The following AKAP3 variants were observed in gnomAD, a reference collection of about 807,000 sequenced individuals.
AKAP3 encodes A-kinase anchoring protein 3.
Under a neutral mutation model 57.2 loss-of-function variants are expected in AKAP3, and 27 were observed. The observed-to-expected ratio is 0.47, with a 90% CI of 0.35 to 0.65. AKAP3 has a LOEUF of 0.65. AKAP3 is among the 30% of genes least tolerant of loss of function. AKAP3 has a pLI of 0.01. For missense variants in AKAP3, 959 were observed against 1,040.0 expected, an observed-to-expected ratio of 0.92 and a Z score of 1.07; for synonymous variants, 334 against 392.3, an observed-to-expected ratio of 0.85 and a Z score of 1.76.
Position 4,626,906 on chromosome 12 carries a change from T to C in AKAP3, c.1996A>G (p.Ser666Gly). Reference protein sequence around the residue: ...MAVSQIDGHMSGQMVEHLMNS... With the variant: ...MAVSQIDGHMGGQMVEHLMNS... ...ATCAGATGTTCTACCATCTGCCCAC[T>C]CATGTGGCCATCTATCTGGCTGACA... is the stretch of plus-strand genomic sequence containing the variant. The change falls in exon 5 of 6, where the codon AGT becomes GGT. Residue 666 changes from serine (S) to glycine (G), a missense_variant. Ser to Gly is a moderately conservative substitution (Grantham distance 56, BLOSUM62 0). Transcript: ENST00000228850. 6.2e-7 allele frequency: 1 copy of C among 1,613,958 alleles called. No homozygotes were observed. The highest frequency in any genetic ancestry group is 8.5e-7 in the Non-Finnish European group (1 of 1,180,016).
intron 1 of AKAP3, among the ~76,000 whole-genome samples, chr12:4,647,642 CTGA>C (rs1424362203): frequency 6.6e-6 from 1 of 152,138 alleles, no homozygotes; most frequent in Non-Finnish European, 1.5e-5. Flanking sequence ...AAGCAGGTTG[CTGA>C]TGACAGTCAG....
intron 5 of AKAP3, among the ~76,000 whole-genome samples, chr12:4,619,980 A>G (rs1945326812): frequency 6.6e-6 from 1 of 152,366 alleles, no homozygotes; most frequent in African/African-American, 2.4e-5. Flanking sequence ...AATGATGGAA[A>G]GGTTAATGGT....
At chr12:4,639,245 C>T (rs1945605337) in intron 3 of AKAP3, among the ~76,000 whole-genome samples, 1 of 152,056 alleles carries the variant, frequency 6.6e-6, no homozygotes, top group Admixed American at 6.5e-5. Context: ...AGTATGAGAA[C>T]CTTCTCTTTG....
chr12:4,624,824 G>GTGTGTGTGTGTGTGTGTGTGTGTATATA (rs143324716), intron 5 of AKAP3, among the ~76,000 whole-genome samples: 3 of 140,996 alleles, frequency 2.1e-5, no homozygotes, highest in African/African-American at 7.8e-5. Flanking sequence ...GTGTGTGTGT[G>GTGTGTGTGTGTGTGTGTGTGTGTATATA]TATATAAAAG....
Position 4,625,127 on chromosome 12 carries a change from G to A in AKAP3, c.2406+1369C>T, listed in dbSNP as rs1945396633. 6.6e-6 allele frequency among the ~76,000 whole-genome samples: 1 copy of A among 152,058 alleles called. No homozygotes were observed. The highest frequency in any genetic ancestry group is 6.6e-5 in the Admixed American group (1 of 15,254). On this transcript the variant is annotated intron_variant, in intron 5 of 5. Transcript: ENST00000228850. This position sits in a 1 kb window ranked among gnomAD's most constrained non-coding sequence, Gnocchi z 5.4. The stretch of plus-strand genomic sequence containing the variant: ...CTGTAAAATAGTTGTCTGTTTCACG[G>A]ATTGGAAACCCTGCGTGGAGACAGA...
Position 4,626,816 on chromosome 12 carries a change from C to T in AKAP3, c.2086G>A (p.Gly696Arg), listed in dbSNP as rs756823190. 6.2e-7 allele frequency: 1 copy of T among 1,614,140 alleles called. No individual in the cohort carries two copies. Among genetic ancestry groups the T allele is most frequent in the African/African-American group, 1.3e-5 (1 of 75,044 alleles). ...KSCDASLAEL[G>R]DDKSGDASRL... The stretch of plus-strand genomic sequence containing the variant: ...CTGGCATCTCCAGACTTGTCATCTC[C>T]CAGCTCTGCCAACGAAGCATCACAG... Residue 696 changes from glycine (G) to arginine (R), a missense_variant, in exon 5 of 6, where the codon GGA (glycine) becomes AGA (arginine). Physicochemically the swap from Gly to Arg is moderately radical, Grantham distance 125. Transcript: ENST00000228850.
At chr12:4,638,420 G>A (rs1945592855) in intron 3 of AKAP3, among the ~76,000 whole-genome samples, 2 of 152,128 alleles carry the variant, frequency 1.3e-5, no homozygotes, top group South Asian at 2.1e-4. Flanking sequence ...TAAGGAAGAA[G>A]CTGGTGCCTG....
At chr12:4,620,391 C>T (rs567376857) in intron 5 of AKAP3, among the ~76,000 whole-genome samples, 45 of 145,062 alleles carry the variant, frequency 3.1e-4, no homozygotes, top group Non-Finnish European at 5.4e-4. Context: ...ACAGGAGAAT[C>T]GCTTGAACCT....
chr12:4,623,353 A>G (rs1266282219), intron 5 of AKAP3, among the ~76,000 whole-genome samples: 1 of 152,240 alleles, frequency 6.6e-6, no homozygotes, highest in Admixed American at 6.5e-5. Context: ...ACATGGAGAT[A>G]ACCTAAGTGC....
chr12:4,624,385 G>T (rs546215772), intron 5 of AKAP3, among the ~76,000 whole-genome samples: 1 of 148,092 alleles, frequency 6.8e-6, no homozygotes, highest in South Asian at 2.2e-4. Flanking sequence ...GGATAAATAA[G>T]AAATTGATCC....
At chr12:4,638,227 T>G (rs781367011) in intron 3 of AKAP3, 31 bp from the exon 4 acceptor site, 13 of 1,472,616 alleles carry the variant, frequency 8.8e-6, no homozygotes, top group East Asian at 2.3e-5. Flanking sequence ...TGAGAAAGGG[T>G]CATCACAAGG....
At chr12:4,637,267 G>A (rs1004366198) in intron 4 of AKAP3, among the ~76,000 whole-genome samples, 4 of 152,138 alleles carry the variant, frequency 2.6e-5, no homozygotes, top group Admixed American at 6.5e-5. Context: ...TCTCCTTTGC[G>A]GTTGGCATTG....
At chr12:4,624,406 T>C (rs1157444704) in intron 5 of AKAP3, among the ~76,000 whole-genome samples, 1 of 151,058 alleles carries the variant, frequency 6.6e-6, no homozygotes, top group East Asian at 2.0e-4. Context: ...AAACAATTTT[T>C]TTCTCCAGGG....
rs71579259 is a variant in AKAP3, at chr12:4,628,542, T to G, written c.360A>C (p.Ser120=). Residue 120 remains serine (S), a synonymous_variant, in exon 5 of 6, where the codon TCA becomes TCC. Transcript: ENST00000228850. ...TAGCATAGAAGGAAACTTCATCTAC[T>G]GAACTCCCGTTGCCAAGTTGGGCCC... ...GPRAQLGNGS[S]VDEVSFYANR... 1.8e-3 allele frequency: 2,844 copies of G among 1,614,202 alleles called. 4 individuals are homozygous for G. The highest frequency in any genetic ancestry group is 3.8e-3 in the Middle Eastern group (23 of 6,062).
intron 1 of AKAP3, among the ~76,000 whole-genome samples, chr12:4,647,002 C>T (rs540438231): frequency 3.9e-5 from 6 of 152,082 alleles, no homozygotes; most frequent in African/African-American, 9.6e-5. Flanking sequence ...AAGCTGGTCT[C>T]GAACTCCTGA....
chr12:4,644,182 A>G (rs549987806), intron 2 of AKAP3, among the ~76,000 whole-genome samples: 1 of 152,246 alleles, frequency 6.6e-6, no homozygotes, highest in Admixed American at 6.5e-5. Context: ...CTTTATTTTT[A>G]CCTTCCCTAA....
At chr12:4,624,448 A>G (rs868211119) in intron 5 of AKAP3, among the ~76,000 whole-genome samples, 1 of 151,752 alleles carries the variant, frequency 6.6e-6, no homozygotes, top group African/African-American at 2.4e-5. Flanking sequence ...CAAATGAGAA[A>G]ACAACCCTTA....
rs755426401 is a variant in AKAP3 at position 4,615,847 on chromosome 12, G to A, written c.2454C>T (p.Gly818=). 2.6e-5 allele frequency: 42 copies of A among 1,614,076 alleles called. No homozygotes were observed. The highest frequency in any genetic ancestry group is 5.3e-5 in the African/African-American group (4 of 74,924). The change falls in exon 6 of 6, where the codon GGC becomes GGT. Residue 818 remains glycine (G), a synonymous_variant. Transcript: ENST00000228850. The part of the protein sequence containing the change: ...AAAVDKGCSV[G]EVLQSVLRYE... ...AGCGCAGCACCGACTGCAGAACCTCGCCCACACTGCATCCTTTGTCCACAG... is the reference window on the plus strand; with the variant it reads ...AGCGCAGCACCGACTGCAGAACCTCACCCACACTGCATCCTTTGTCCACAG...
In AKAP3 at chr12:4,631,773, A is replaced by G. The variant is rs570144663; in HGVS notation, c.97-2968T>C. Among the ~76,000 whole-genome samples, 5 of 152,352 alleles carry G rather than the reference A, an allele frequency of 3.3e-5. No homozygotes were observed. The South Asian group carries it at 8.3e-4, about 25-fold the overall frequency. ...ACCCAAATTCACATAAATTAGGTAA[A>G]TCTTTGGCAAATAATACTAGTTTAA... On this transcript the variant is annotated intron_variant, in intron 4 of 5. Transcript: ENST00000228850.
Sources: allele counts gnomAD v4.1 joint callset (sites outside exome capture counted in the v4.1 genomes callset), GRCh38; gene constraint gnomAD v4.1.1; non-coding constraint Gnocchi (gnomAD v3.1); transcripts MANE v1.5; gene names NCBI Gene and HGNC (gene_info 2026-07-23, HGNC 2026-07-21).